Variants in ANKS1B observed in about 807,000 individuals in gnomAD.
The protein encoded by ANKS1B is ankyrin repeat and sterile alpha motif domain-containing protein 1B.
In ANKS1B, 36 loss-of-function variants were observed where a neutral mutation model predicts 148.3. The observed-to-expected ratio is 0.24, with a 90% CI of 0.19 to 0.32. The LOEUF is 0.32. ANKS1B is among the 10% of genes least tolerant of loss of function. The pLI is 1.00. For synonymous variants in ANKS1B, 542 were observed against 560.8 expected (o/e 0.97, Z 0.47); for missense variants, 1,157 against 1,542.6 (o/e 0.75, Z 4.19).
chr12:99,690,351 T>C (rs534720204), intron 8 of ANKS1B, among the ~76,000 whole-genome samples: 1 of 152,272 alleles, frequency 6.6e-6, no homozygotes, highest in East Asian at 1.9e-4. Context: ...CAATCATGCC[T>C]TCCCAACAGT....
chr12:99,096,381 A>T (rs57903165), intron 15 of ANKS1B, among the ~76,000 whole-genome samples: 3,045 of 152,212 alleles, frequency 0.02, 90 homozygotes, highest in African/African-American at 0.069. Flanking sequence ...GAAAAAAAAA[A>T]ATTTTTCCAC....
At chr12:98,960,618 C>A (rs372917426) in intron 17 of ANKS1B, among the ~76,000 whole-genome samples, 1 of 152,110 alleles carries the variant, frequency 6.6e-6, no homozygotes, top group African/African-American at 2.4e-5. Flanking sequence ...CCATAAGCAT[C>A]AAGACCATCC....
chr12:98,960,297 G>A (rs1177269798), intron 17 of ANKS1B, among the ~76,000 whole-genome samples: 1 of 152,180 alleles, frequency 6.6e-6, no homozygotes, highest in East Asian at 1.9e-4. Context: ...GAGAGAGAGA[G>A]AGATGCCATT....
chr12:99,443,203 C>G (rs12298739), intron 11 of ANKS1B, among the ~76,000 whole-genome samples: 1 of 151,712 alleles, frequency 6.6e-6, no homozygotes, highest in Non-Finnish European at 1.5e-5. Flanking sequence ...AAACAAGGAG[C>G]AATATTAAAC....
intron 17 of ANKS1B, among the ~76,000 whole-genome samples, chr12:98,847,119 G>A (rs1300990024): frequency 6.6e-6 from 1 of 152,046 alleles, no homozygotes; most frequent in Non-Finnish European, 1.5e-5. Context: ...TGTGTGTGTG[G>A]TAAGAATACT....
chr12:99,938,257 G>C (rs1164012879), intron 1 of ANKS1B, among the ~76,000 whole-genome samples: 1 of 152,162 alleles, frequency 6.6e-6, no homozygotes, highest in Non-Finnish European at 1.5e-5. Context: ...GCTCTGGACT[G>C]ATAGCCAGCA....
intron 2 of ANKS1B, among the ~76,000 whole-genome samples, chr12:99,820,076 T>C (rs1281510373): frequency 7.4e-6 from 1 of 134,632 alleles, no homozygotes; most frequent in African/African-American, 2.9e-5. Context: ...ACTCTATCTA[T>C]GGAAATAATT....
intron 17 of ANKS1B, among the ~76,000 whole-genome samples, chr12:98,896,633 T>C (rs1596483037): frequency 1.3e-5 from 2 of 152,242 alleles, no homozygotes; most frequent in African/African-American, 4.8e-5. Flanking sequence ...AGACTAGATG[T>C]CTAATTCACT....
chr12:98,756,606 A>G (rs2098250401), intron 25 of ANKS1B, among the ~76,000 whole-genome samples: 1 of 151,512 alleles, frequency 6.6e-6, no homozygotes, highest in Admixed American at 6.6e-5. Context: ...GGCACCTGTA[A>G]TCCCAGCTAC....
chr12:99,363,028 G>A (rs1473941612), intron 12 of ANKS1B, among the ~76,000 whole-genome samples: 2 of 151,944 alleles, frequency 1.3e-5, no homozygotes, highest in Non-Finnish European at 2.9e-5. Context: ...GTAACATGGA[G>A]GATGGTTATA....
chr12:98,893,437 TCTTCCTTCTGA>T (rs1193074244), intron 17 of ANKS1B: 1 of 152,228 alleles, frequency 6.6e-6, no homozygotes, highest in Non-Finnish European at 1.5e-5. Context: ...ATCTTTCCTC[TCTTCCTTCTGA>T]CTTCTAACTT....
intron 25 of ANKS1B, among the ~76,000 whole-genome samples, chr12:98,762,176 G>A (rs1453607975): frequency 3.9e-5 from 6 of 152,170 alleles, no homozygotes; most frequent in Non-Finnish European, 2.9e-5. Flanking sequence ...AGTGAATAGA[G>A]GCCATAAACA....
intron 8 of ANKS1B, among the ~76,000 whole-genome samples, chr12:99,698,688 C>T (rs912327098): frequency 2.0e-5 from 3 of 152,142 alleles, no homozygotes; most frequent in Admixed American, 6.5e-5. Flanking sequence ...TCTAACATTG[C>T]GTCTTATCTG....
At chr12:99,024,975 A>G (rs60683490) in intron 17 of ANKS1B, among the ~76,000 whole-genome samples, 5,234 of 152,264 alleles carry the variant, frequency 0.034, 320 homozygotes, top group African/African-American at 0.12. Context: ...GGAAGCTCCA[A>G]TAAAATTCTA....
At chr12:99,575,707 C>T (rs2097511454) in intron 9 of ANKS1B, among the ~76,000 whole-genome samples, 1 of 151,954 alleles carries the variant, frequency 6.6e-6, no homozygotes, top group South Asian at 2.1e-4. Context: ...TGGGTCCCTC[C>T]CACAACACAT....
intron 8 of ANKS1B, among the ~76,000 whole-genome samples, chr12:99,663,654 T>C (rs2098489389): frequency 2.6e-5 from 4 of 152,104 alleles, no homozygotes; most frequent in Admixed American, 2.6e-4. Context: ...CATCTCCTAG[T>C]ATCTGCACTC....
intron 8 of ANKS1B, among the ~76,000 whole-genome samples, chr12:99,755,592 C>T (rs10778017): frequency 0.46 from 61,053 of 134,064 alleles, 13,762 homozygotes; most frequent in South Asian, 0.61. Flanking sequence ...TGCAAAAATC[C>T]TCAAAAAAAA....
intron 14 of ANKS1B, chr12:99,154,760 G>A (rs2075795194): frequency 4.2e-6 from 6 of 1,444,346 alleles, no homozygotes; most frequent in Admixed American, 2.7e-5. Flanking sequence ...TCCACAATGA[G>A]CAATGCACGG....
intron 9 of ANKS1B, among the ~76,000 whole-genome samples, chr12:99,568,788 G>C (rs1268154889): frequency 2.0e-5 from 3 of 152,090 alleles, no homozygotes; most frequent in African/African-American, 7.2e-5. Flanking sequence ...GTAAAAGTAG[G>C]TATCATAAAA....
Sources: gnomAD v4.1 joint callset for allele counts (sites outside exome capture counted in the v4.1 genomes callset) on GRCh38, gnomAD v4.1.1 for gene constraint, MANE v1.5 for transcripts, NCBI Gene and HGNC (gene_info 2026-07-23, HGNC 2026-07-21) for gene names.